The following ZNF354C variants were observed in gnomAD, a reference collection of about 807,000 sequenced individuals.
ZNF354C encodes the protein zinc finger protein 354C, also known as KRAB-zinc finger protein synten.
Under a neutral mutation model 12.4 loss-of-function variants are expected in ZNF354C, and 7 were observed. The ratio of observed to expected loss-of-function variants is 0.56; its 90% CI spans 0.32 to 1.06. ZNF354C has a LOEUF of 1.06. Ranked by LOEUF, ZNF354C falls within the 50% of genes least tolerant of loss-of-function variation. The pLI, the probability that ZNF354C is intolerant of heterozygous loss-of-function variation, is 0.04. For synonymous variants in ZNF354C, 202 were observed against 224.5 expected (o/e 0.90, Z 0.90); for missense variants, 609 against 658.0 (o/e 0.93, Z 0.81).
Position 179,080,192 on chromosome 5 carries a change from C to A in ZNF354C, c.*95C>A. The stretch of plus-strand genomic sequence containing the variant: ...AATAGATTTGTCTTTTTTACTTCTC[C>A]TGAAGGAAATATGTTAGTTGCCACT... On this transcript the variant is annotated 3_prime_UTR_variant, in exon 5 of 5. Transcript: ENST00000315475. 1.1e-6 allele frequency: 1 copy of A among 935,348 alleles called. No homozygotes were observed. The highest frequency in any genetic ancestry group is 1.6e-6 in the Non-Finnish European group (1 of 639,618). 57.9% of individuals were successfully genotyped at this position (935,348 alleles called of 1,614,324 possible).
At chr5:179,065,184 C>T (rs568596747) in intron 2 of ZNF354C, among the ~76,000 whole-genome samples, 13 of 152,230 alleles carry the variant, frequency 8.5e-5, no homozygotes, top group South Asian at 6.2e-4. Flanking sequence ...TTACAATTAA[C>T]GAGCCACCAT....
chr5:179,067,256 A>T (rs575485661), intron 2 of ZNF354C, among the ~76,000 whole-genome samples: 1 of 152,326 alleles, frequency 6.6e-6, no homozygotes, highest in Non-Finnish European at 1.5e-5. Flanking sequence ...CATTGCTGTG[A>T]TCACAGATAG....
Position 179,082,917 on chromosome 5 carries a change from T to G in ZNF354C, c.*2820T>G, listed in dbSNP as rs1581123509. 3.2e-6 allele frequency: 3 copies of G among 948,540 alleles called. No individual in the cohort carries two copies. The highest frequency in any genetic ancestry group is 1.7e-5 in the Admixed American group (1 of 57,340). 58.8% of individuals were successfully genotyped at this position (948,540 alleles called of 1,614,324 possible). ...GCGCTGATGAAGAATCACGGAGAAC[T>G]CCACCTCATCTCCTGCCTGGAGCTC... On this transcript the variant is annotated 3_prime_UTR_variant, in exon 5 of 5. Coordinates refer to ENST00000315475, the MANE Select transcript of ZNF354C (RefSeq NM_014594.3).
chr5:179,077,502 C>A (rs1762139766), intron 4 of ZNF354C, among the ~76,000 whole-genome samples: 1 of 152,150 alleles, frequency 6.6e-6, no homozygotes, highest in Admixed American at 6.5e-5. Context: ...GACTTCAAAT[C>A]TCCTGCAGAT....
intron 2 of ZNF354C, among the ~76,000 whole-genome samples, chr5:179,068,948 GATCTCCCCTTCTTAGAAGCACATGCCGGT>G (rs1165527165): frequency 1.3e-5 from 2 of 152,220 alleles, no homozygotes; most frequent in African/African-American, 4.8e-5. Flanking sequence ...TCCGTGTCCT[GATCTCCCCTTCTTAGAAGCACATGCCGGT>G]ATTAGATTAG....
At chr5:179,071,289 T>A (rs1286979436) in intron 2 of ZNF354C, among the ~76,000 whole-genome samples, 1 of 151,846 alleles carries the variant, frequency 6.6e-6, no homozygotes, top group Non-Finnish European at 1.5e-5. Flanking sequence ...AGATGATTGA[T>A]AAGATGTGTT....
At chr5:179,066,535 G>A (rs1282838528) in intron 2 of ZNF354C, among the ~76,000 whole-genome samples, 1 of 152,212 alleles carries the variant, frequency 6.6e-6, no homozygotes, top group African/African-American at 2.4e-5. Context: ...TGCAAGGCAG[G>A]ACTGCTGGTA....
chr5:179,070,841 C>CTTTTTTTTTTTTTTT, intron 2 of ZNF354C, among the ~76,000 whole-genome samples: 1 of 75,438 alleles, frequency 1.3e-5, no homozygotes, highest in Non-Finnish European at 2.3e-5. Flanking sequence ...CTTGATCGCT[C>CTTTTTTTTTTTTTTT]TTTTTTTTTT....
At chr5:179,062,890 A>G (rs1761913571) in intron 2 of ZNF354C, among the ~76,000 whole-genome samples, 1 of 151,782 alleles carries the variant, frequency 6.6e-6, no homozygotes, top group Non-Finnish European at 1.5e-5. Flanking sequence ...CCCATTTAAG[A>G]TCCATTTTCA....
At chr5:179,061,447 T>G (rs1471637109) in intron 1 of ZNF354C, among the ~76,000 whole-genome samples, 1 of 152,030 alleles carries the variant, frequency 6.6e-6, no homozygotes, top group East Asian at 1.9e-4. Context: ...TCCTGTTACC[T>G]TGGGTAAAGT....
intron 2 of ZNF354C, among the ~76,000 whole-genome samples, chr5:179,063,851 A>T (rs1289447109): frequency 6.6e-6 from 1 of 152,184 alleles, no homozygotes; most frequent in African/African-American, 2.4e-5. Flanking sequence ...ACGTATTAAG[A>T]CCTCCATAAA....
At chr5:179,062,207 G>A (rs190551374) in intron 2 of ZNF354C, 112 bp downstream of exon 2, 25,851 of 1,396,676 alleles carry the variant, frequency 0.019, 312 homozygotes, top group Middle Eastern at 0.04. Flanking sequence ...AAACGATGAA[G>A]AATCCGGAAC....
chr5:179,065,821 C>T (rs1285699010), intron 2 of ZNF354C, among the ~76,000 whole-genome samples: 3 of 152,150 alleles, frequency 2.0e-5, no homozygotes, highest in Admixed American at 6.5e-5. Flanking sequence ...AGAGATGAAG[C>T]GTCAGTCTGA....
intron 3 of ZNF354C, 82 bp from the exon 4 acceptor site, chr5:179,076,989 T>C: frequency 8.2e-7 from 1 of 1,217,524 alleles, no homozygotes; most frequent in Non-Finnish European, 1.2e-6. Flanking sequence ...TTTGCTGTGT[T>C]GGTTCAGAGT....
At chr5:179,074,291 CTT>C (rs34702354) in intron 2 of ZNF354C, among the ~76,000 whole-genome samples, 11 of 139,384 alleles carry the variant, frequency 7.9e-5, no homozygotes, top group African/African-American at 1.1e-4. Context: ...AATTTTTGTA[CTT>C]TTTTTTTTTT....
chr5:179,082,541 A>G lies in ZNF354C; in HGVS notation c.*2444A>G, dbSNP rs1762242446. 4.2e-6 allele frequency: 3 copies of G among 715,882 alleles called. No homozygotes were observed. The highest frequency in any genetic ancestry group is 3.9e-4 in the Middle Eastern group (1 of 2,582). The allele number at this position is 715,882 out of a possible 1,614,324, so 44.3% of individuals were successfully genotyped here. On this transcript the variant is annotated 3_prime_UTR_variant, in exon 5 of 5. Transcript: ENST00000315475. ...AACATAACACGAGGAAGCTGTTAAA[A>G]CTGGTGTAATAGCTCAAAAGAACTA...
intron 4 of ZNF354C, 136 bp from the exon 5 acceptor site, chr5:179,078,547 A>C: frequency 1.4e-6 from 1 of 696,888 alleles, no homozygotes; most frequent in Non-Finnish European, 2.4e-6. Flanking sequence ...TGTTCTTCCC[A>C]AGATTCAAGT....
rs1554121047 is a variant in ZNF354C at position 179,083,945 on chromosome 5, C to CTTCA, written c.*3848_*3849insTTCA. ...AGGAGACTCCCCATTGCTTTTCTTC[C>CTTCA]CTATCTATCTTCCTGCTACTTGGAC... is the stretch of plus-strand genomic sequence containing the variant. On this transcript the variant is annotated 3_prime_UTR_variant, in exon 5 of 5. Transcript: ENST00000315475. Among the ~76,000 whole-genome samples, 1,140 of 151,464 alleles carry CTTCA rather than the reference C, an allele frequency of 7.5e-3. 6 individuals are homozygous for CTTCA. The highest frequency in any genetic ancestry group is 0.013 in the Non-Finnish European group (867 of 67,772).
chr5:179,066,589 T>C (rs1007800287), intron 2 of ZNF354C, among the ~76,000 whole-genome samples: 20 of 152,252 alleles, frequency 1.3e-4, no homozygotes, highest in African/African-American at 4.6e-4. Flanking sequence ...GCTTTACTTC[T>C]CATCCTTTTT....
Sources: allele counts gnomAD v4.1 joint callset (sites outside exome capture counted in the v4.1 genomes callset), GRCh38; gene constraint gnomAD v4.1.1; transcripts MANE v1.5; gene names NCBI Gene and HGNC (gene_info 2026-07-23, HGNC 2026-07-21).